AATF: variants seen among roughly 807,000 people sequenced by gnomAD.
AATF encodes the protein apoptosis antagonizing transcription factor.
A neutral mutation model predicts 63.7 loss-of-function variants in AATF; 48 were observed. The observed-to-expected ratio is 0.75, with a 90% CI of 0.60 to 0.96. The LOEUF is 0.96. Ranked by LOEUF, AATF falls within the 40% of genes least tolerant of loss-of-function variation. The probability of loss-of-function intolerance (pLI) is 0.00; values close to 1 mark genes in which losing one functional copy is unlikely to be tolerated. For synonymous variants in AATF, 258 were observed against 247.7 expected, an observed-to-expected ratio of 1.04 and a Z score of -0.39; for missense variants, 639 against 685.7, an observed-to-expected ratio of 0.93 and a Z score of 0.76.
At chr17:36,987,224 C>T (rs375076390) in intron 5 of AATF, among the ~76,000 whole-genome samples, 1 of 149,594 alleles carries the variant, frequency 6.7e-6, no homozygotes, top group Non-Finnish European at 1.5e-5. Flanking sequence ...CTCCTGGGCT[C>T]GAGCCATCCT....
chr17:37,018,369 A>G (rs2071443692), intron 8 of AATF, among the ~76,000 whole-genome samples: 1 of 152,204 alleles, frequency 6.6e-6, no homozygotes, highest in Non-Finnish European at 1.5e-5. Flanking sequence ...TCTGTGGTAT[A>G]TTTGCAGTAT....
chr17:37,017,125 C>G (rs952478556), intron 8 of AATF, among the ~76,000 whole-genome samples: 6 of 152,298 alleles, frequency 3.9e-5, no homozygotes, highest in Admixed American at 3.9e-4. Context: ...CCGAGGATCA[C>G]CCTGTTGTGC....
In AATF at chr17:37,012,203, G is replaced by C. The variant is rs8069901; in HGVS notation, c.1399-6802G>C. On this transcript the variant is annotated intron_variant, in intron 8 of 11. Coordinates refer to ENST00000619387, the MANE Select transcript of AATF (RefSeq NM_012138.4). ...CTAGTAGCTGGGATTACAGGCATGCGCCACCATGCCCAGTTAATTTTTTTG... is the reference window on the plus strand; with the variant it reads ...CTAGTAGCTGGGATTACAGGCATGCCCCACCATGCCCAGTTAATTTTTTTG... Among the ~76,000 whole-genome samples the C allele has an allele frequency of 3.9e-3, 595 of 152,024 alleles. 2 individuals are homozygous for C. The highest frequency in any genetic ancestry group is 7.1e-3 in the Non-Finnish European group (480 of 67,986).
In AATF at chr17:36,948,983, T is replaced by C; in HGVS notation, c.-143T>C. 8.1e-6 allele frequency: 6 copies of C among 739,778 alleles called. No homozygotes were observed. Among genetic ancestry groups the C allele is most frequent in the South Asian group, 1.7e-5 (1 of 57,412 alleles). The allele number at this position is 739,778 out of a possible 1,614,324, so 45.8% of individuals were successfully genotyped here. ...CTCCCGGAAGTGGCCGGTCCAGAGCTGTGGGGTGGCCTCCGCGCGGTCTCT... is the reference window on the plus strand; with the variant it reads ...CTCCCGGAAGTGGCCGGTCCAGAGCCGTGGGGTGGCCTCCGCGCGGTCTCT... On this transcript the variant is annotated 5_prime_UTR_variant, in exon 1 of 12. Transcript: ENST00000619387.
chr17:36,983,611 A>G (rs1038794441), intron 4 of AATF, among the ~76,000 whole-genome samples: 5 of 151,430 alleles, frequency 3.3e-5, no homozygotes, highest in African/African-American at 1.2e-4. Flanking sequence ...TCGTCCTCCC[A>G]AAGTGCTGGG....
rs183958264 is a variant in AATF, at chr17:37,002,483, C to T, written c.1398+11626C>T. On this transcript the variant is annotated intron_variant, in intron 8 of 11. Transcript: ENST00000619387. ...GAGATTGAGACCATCCTGGCTAACACGGTGAAACCCTGTCTCTACTAAAAA... is the reference window on the plus strand; with the variant it reads ...GAGATTGAGACCATCCTGGCTAACATGGTGAAACCCTGTCTCTACTAAAAA... 3.1e-3 allele frequency among the ~76,000 whole-genome samples: 460 copies of T among 150,104 alleles called. 1 individual carries two copies. The highest frequency in any genetic ancestry group is 0.01 in the African/African-American group (426 of 40,872).
chr17:37,036,448 G>T (rs1422660250), intron 11 of AATF, among the ~76,000 whole-genome samples: 1 of 152,078 alleles, frequency 6.6e-6, no homozygotes, highest in Non-Finnish European at 1.5e-5. Context: ...GTATATCCTG[G>T]TGGAGAAAGA....
chr17:36,995,957 G>A (rs189996199), intron 8 of AATF, among the ~76,000 whole-genome samples: 1 of 152,254 alleles, frequency 6.6e-6, no homozygotes, highest in African/African-American at 2.4e-5. Context: ...ATTTGAACCT[G>A]CCTCTGTGAA....
At chr17:37,047,622 C>A (rs2071704597) in intron 11 of AATF, among the ~76,000 whole-genome samples, 1 of 152,176 alleles carries the variant, frequency 6.6e-6, no homozygotes, top group Non-Finnish European at 1.5e-5. Flanking sequence ...CCGTGTGTCA[C>A]CATGTGTAAT....
At chr17:37,027,554 G>A (rs2071520001) in intron 10 of AATF, among the ~76,000 whole-genome samples, 1 of 151,982 alleles carries the variant, frequency 6.6e-6, no homozygotes, top group South Asian at 2.1e-4. Context: ...ATATTAATAT[G>A]TATTATATAT....
chr17:36,984,726 C>G (rs1435854020), intron 4 of AATF, among the ~76,000 whole-genome samples: 2 of 151,986 alleles, frequency 1.3e-5, no homozygotes, highest in Non-Finnish European at 2.9e-5. Flanking sequence ...ACTTCAAACT[C>G]CTGGGCTCCA....
rs181448747 is a variant in AATF at position 37,039,964 on chromosome 17, A to G, written c.1619+8279A>G. ...TTCCTCAAAATGGGCCTTTTTGACT[A>G]TAGTTCTCATTTCTGCACTTATATT... On this transcript the variant is annotated intron_variant, in intron 11 of 11. Coordinates refer to ENST00000619387, the MANE Select transcript of AATF (RefSeq NM_012138.4). Among the ~76,000 whole-genome samples, 3 of 152,336 alleles carry G rather than the reference A, an allele frequency of 2.0e-5. No individual in the cohort carries two copies. The East Asian group carries it at 5.8e-4, about 29-fold the overall frequency.
At chr17:37,036,568 C>T (rs1001782654) in intron 11 of AATF, among the ~76,000 whole-genome samples, 1 of 151,846 alleles carries the variant, frequency 6.6e-6, no homozygotes, top group Non-Finnish European at 1.5e-5. Flanking sequence ...TCTTTTCTCA[C>T]GCTAAGAATT....
At chr17:37,019,324 C>G (rs535149227) in intron 9 of AATF, among the ~76,000 whole-genome samples, 2 of 152,344 alleles carry the variant, frequency 1.3e-5, no homozygotes, top group African/African-American at 4.8e-5. Flanking sequence ...ATGCTCTTTG[C>G]TCCCTGGTTT....
intron 4 of AATF, among the ~76,000 whole-genome samples, chr17:36,967,087 G>T (rs1396460425): frequency 6.6e-6 from 1 of 151,780 alleles, no homozygotes; most frequent in African/African-American, 2.4e-5. Context: ...TGAATCCATG[G>T]GTTTCTCTAA....
intron 4 of AATF, among the ~76,000 whole-genome samples, chr17:36,957,797 G>C (rs1360876801): frequency 6.6e-6 from 1 of 152,126 alleles, no homozygotes; most frequent in African/African-American, 2.4e-5. Flanking sequence ...CCTTGGCACT[G>C]TCACTTACTC....
chr17:36,977,287 C>T (rs2071086449), intron 4 of AATF, among the ~76,000 whole-genome samples: 1 of 152,150 alleles, frequency 6.6e-6, no homozygotes, highest in African/African-American at 2.4e-5. Context: ...TGAAATCAGA[C>T]ACAGCACAAA....
chr17:37,001,457 A>AGGAAGGAAGG, intron 8 of AATF, among the ~76,000 whole-genome samples: 1 of 99,488 alleles, frequency 1.0e-5, no homozygotes, highest in East Asian at 2.9e-4. Context: ...GGAAGGAAGA[A>AGGAAGGAAGG]AAAAAAAAAA....
chr17:36,952,754 A>G (rs2070865200), intron 2 of AATF, 132 bp from the exon 3 acceptor site: 2 of 1,439,436 alleles, frequency 1.4e-6, no homozygotes, highest in Non-Finnish European at 1.8e-6. Flanking sequence ...TGTAATAAAT[A>G]TATTGTTGAA....
Sources: allele counts gnomAD v4.1 joint callset (sites outside exome capture counted in the v4.1 genomes callset), GRCh38; gene constraint gnomAD v4.1.1; transcripts MANE v1.5; gene names NCBI Gene and HGNC (gene_info 2026-07-23, HGNC 2026-07-21).